GATAD2A: variants seen among roughly 807,000 people sequenced by gnomAD.
GATAD2A encodes the protein transcriptional repressor p66-alpha.
Under a neutral mutation model 68.5 loss-of-function variants are expected in GATAD2A, and 12 were observed. The observed-to-expected ratio is 0.18, with a 90% CI of 0.11 to 0.28. GATAD2A has a LOEUF of 0.28. Ranked by LOEUF, GATAD2A falls within the 10% of genes least tolerant of loss-of-function variation. GATAD2A has a pLI of 1.00. For synonymous variants in GATAD2A, 410 were observed against 375.3 expected, an observed-to-expected ratio of 1.09 and a Z score of -1.07; for missense variants, 755 against 868.5, an observed-to-expected ratio of 0.87 and a Z score of 1.64.
chr19:19,440,660 G>A lies in GATAD2A; in HGVS notation c.-6-24680G>A, dbSNP rs1012508507. On this transcript the variant is annotated intron_variant, in intron 1 of 11. Transcript: ENST00000683918. ...CTTTTTCACGTGTCCTTTCTTTGTA[G>A]CATCATGTACGTGCTTCACATAATT... 1.3e-5 allele frequency: 2 copies of A among 153,026 alleles called. 1 individual carries two copies. Among genetic ancestry groups the A allele is most frequent in the Admixed American group, 1.3e-4 (2 of 15,306 alleles). The allele number at this position is 153,026 out of a possible 1,614,324, so 9.5% of individuals were successfully genotyped here. A position where few individuals can be genotyped will look rare whatever the true frequency, so the allele number is the denominator to read the frequency against.
chr19:19,395,476 T>C (rs1458338853), intron 1 of GATAD2A, among the ~76,000 whole-genome samples: 1 of 151,224 alleles, frequency 6.6e-6, no homozygotes, highest in African/African-American at 2.4e-5. Context: ...ATAGAAAACA[T>C]GTTCAAGTTA....
At chr19:19,437,053 A>G (rs1219588995) in intron 1 of GATAD2A, among the ~76,000 whole-genome samples, 1 of 152,268 alleles carries the variant, frequency 6.6e-6, no homozygotes, top group East Asian at 1.9e-4. Flanking sequence ...ATATGGGCAT[A>G]GTCAGGTAAT....
intron 1 of GATAD2A, among the ~76,000 whole-genome samples, chr19:19,389,483 G>C (rs2048694933): frequency 6.6e-6 from 1 of 152,270 alleles, no homozygotes; most frequent in Non-Finnish European, 1.5e-5. Flanking sequence ...TATAATTTGA[G>C]TTCTAAATCT....
At chr19:19,431,952 G>A (rs948910968) in intron 1 of GATAD2A, among the ~76,000 whole-genome samples, 3 of 151,928 alleles carry the variant, frequency 2.0e-5, no homozygotes, top group African/African-American at 7.3e-5. Context: ...GGGTGGTGGG[G>A]GATCACACGG....
intron 1 of GATAD2A, among the ~76,000 whole-genome samples, chr19:19,448,760 G>A (rs896314604): frequency 2.6e-5 from 4 of 152,108 alleles, no homozygotes; most frequent in African/African-American, 7.2e-5. Flanking sequence ...AAAGTGCACC[G>A]CCCCTGGCCT....
chr19:19,437,731 A>T (rs771540202), intron 1 of GATAD2A, among the ~76,000 whole-genome samples: 18 of 152,216 alleles, frequency 1.2e-4, no homozygotes, highest in Non-Finnish European at 2.6e-4. Context: ...GTTCATCCAC[A>T]TTGTAAGCAT....
intron 5 of GATAD2A, 117 bp from the exon 6 acceptor site, chr19:19,495,637 A>T: frequency 1.3e-6 from 1 of 797,756 alleles, no homozygotes; most frequent in African/African-American, 1.8e-5. Flanking sequence ...TGCTACTTAA[A>T]AAAAAAAAAA....
rs2060297200 is a variant in GATAD2A, at chr19:19,498,463, G to A, written c.945G>A (p.Lys315=). Residue 315 remains lysine, a synonymous_variant, in exon 8 of 12, where the codon AAG becomes AAA. Transcript: ENST00000683918. ...CAAAGCCCACCCCAGCATCACTGAA[G>A]GGGACAACAGCCACCTCCGCTCAGG... The part of the protein sequence containing the change: ...NIPQPTPASL[K]GTTATSAQAN... 6.2e-7 allele frequency: 1 copy of A among 1,606,250 alleles called. No homozygotes were observed. The highest frequency in any genetic ancestry group is 8.5e-7 in the Non-Finnish European group (1 of 1,173,424).
chr19:19,495,369 C>T (rs1049265245), intron 5 of GATAD2A, among the ~76,000 whole-genome samples: 3 of 151,878 alleles, frequency 2.0e-5, no homozygotes, highest in Admixed American at 1.3e-4. Flanking sequence ...AGTGCAGTGG[C>T]GCGATCTTGG....
At chr19:19,410,185 G>A (rs755167251) in intron 1 of GATAD2A, among the ~76,000 whole-genome samples, 1 of 152,144 alleles carries the variant, frequency 6.6e-6, no homozygotes, top group African/African-American at 2.4e-5. Flanking sequence ...TCTGATTCCT[G>A]ATTTTAGGGT....
chr19:19,438,471 C>T (rs1165319427), intron 1 of GATAD2A, among the ~76,000 whole-genome samples: 1 of 152,228 alleles, frequency 6.6e-6, no homozygotes, highest in African/African-American at 2.4e-5. Context: ...GAGTGACTGC[C>T]TCTTGTCCTG....
At chr19:19,470,624 A>G (rs2058229310) in intron 2 of GATAD2A, among the ~76,000 whole-genome samples, 2 of 152,220 alleles carry the variant, frequency 1.3e-5, no homozygotes, top group Admixed American at 6.5e-5. Context: ...GAACATTATT[A>G]ACTCACTTAG....
chr19:19,454,597 CAA>C (rs1242274321), intron 1 of GATAD2A, among the ~76,000 whole-genome samples: 13 of 129,866 alleles, frequency 1.0e-4, no homozygotes, highest in Admixed American at 1.6e-4. Context: ...GACCCTGTCT[CAA>C]AAAAAAAAAA....
chr19:19,489,588 G>T (rs188171058), intron 2 of GATAD2A, among the ~76,000 whole-genome samples: 2 of 152,332 alleles, frequency 1.3e-5, no homozygotes, highest in African/African-American at 4.8e-5. Context: ...GCCAGGGAGC[G>T]CTGTGGGCAG....
At chr19:19,435,059 C>T (rs752940312) in intron 1 of GATAD2A, 17 of 530,028 alleles carry the variant, frequency 3.2e-5, no homozygotes, top group Non-Finnish European at 5.8e-5. Context: ...TGCCTGTGTG[C>T]TCTGTGACCC....
chr19:19,474,625 G>T (rs2058545160), intron 2 of GATAD2A, among the ~76,000 whole-genome samples: 1 of 152,190 alleles, frequency 6.6e-6, no homozygotes, highest in Admixed American at 6.5e-5. Flanking sequence ...ATTTGGGCCT[G>T]GTGTGAGCAC....
intron 1 of GATAD2A, chr19:19,386,282 GC>G (rs963357360): frequency 4.0e-5 from 6 of 151,692 alleles, no homozygotes; most frequent in East Asian, 2.0e-4. Context: ...CCTGCTCTGG[GC>G]CCCCCCGCCT....
intron 1 of GATAD2A, among the ~76,000 whole-genome samples, chr19:19,443,779 A>G (rs1440911770): frequency 6.6e-6 from 1 of 152,026 alleles, no homozygotes; most frequent in Non-Finnish European, 1.5e-5. Context: ...TCGTGACTGG[A>G]TCATCTAGAA....
intron 1 of GATAD2A, among the ~76,000 whole-genome samples, chr19:19,423,267 A>T (rs566065886): frequency 2.6e-5 from 4 of 152,332 alleles, no homozygotes; most frequent in African/African-American, 9.6e-5. Flanking sequence ...CTGTCTCCCA[A>T]AGTGCTGAGG....
Sources: gnomAD v4.1 joint callset for allele counts (sites outside exome capture counted in the v4.1 genomes callset) on GRCh38, gnomAD v4.1.1 for gene constraint, MANE v1.5 for transcripts, NCBI Gene and HGNC (gene_info 2026-07-23, HGNC 2026-07-21) for gene names.